SALL4: variants seen among roughly 807,000 people sequenced by gnomAD.
The protein encoded by SALL4 is sal-like protein 4.
A neutral mutation model predicts 60.8 loss-of-function variants in SALL4; 4 were observed. That is an observed-to-expected ratio of 0.07 (90% CI 0.03 to 0.15). SALL4 has a LOEUF of 0.15. SALL4 is among the 10% of genes least tolerant of loss of function. The probability of loss-of-function intolerance (pLI) is 1.00; values close to 1 mark genes in which losing one functional copy is unlikely to be tolerated. For missense variants in SALL4, 1,178 were observed against 1,394.7 expected (o/e 0.84, Z 2.48); for synonymous variants, 580 against 574.9 (o/e 1.01, Z -0.13).
At position 51,788,806 on chromosome 20, in the gene SALL4, T is replaced by G; in HGVS notation, c.2742+55A>C. On this transcript the variant is annotated intron_variant, in intron 3 of 3. Transcript: ENST00000217086. The surrounding 1 kb of genome is among the most constrained non-coding windows in gnomAD (Gnocchi z 4.1). ...AAGAACTCATCACGGCTTGTGCCAA[T>G]AAGAAGACACCTGGTGCCTAGCCCC... is the stretch of plus-strand genomic sequence containing the variant. 1 of 1,606,470 alleles carries G rather than the reference T, an allele frequency of 6.2e-7. No homozygotes were observed. Among genetic ancestry groups the G allele is most frequent in the Non-Finnish European group, 8.5e-7 (1 of 1,178,374 alleles).
rs2077968986 is a variant in SALL4 at position 51,783,690 on chromosome 20, G to T, written c.*575C>A. 6.3e-6 allele frequency: 1 copy of T among 157,844 alleles called. No individual in the cohort carries two copies. 9.8% of individuals were successfully genotyped at this position (157,844 alleles called of 1,614,324 possible). ...GTATACGTCTGTTACAAGTAACAAA[G>T]CTACTTTGCAAGACCCGCTTCTTTC... On this transcript the variant is annotated 3_prime_UTR_variant, in exon 4 of 4. Transcript: ENST00000217086.
intron 1 of SALL4, among the ~76,000 whole-genome samples, chr20:51,800,052 T>G (rs1326488111): frequency 1.3e-5 from 2 of 152,114 alleles, no homozygotes; most frequent in African/African-American, 4.8e-5. Flanking sequence ...ACGCACTGCT[T>G]GGGAAAACAA....
chr20:51,793,492 G>T (rs546493752), intron 1 of SALL4, among the ~76,000 whole-genome samples: 67 of 152,214 alleles, frequency 4.4e-4, no homozygotes, highest in African/African-American at 1.6e-3. Flanking sequence ...CAAGGAAAAG[G>T]CCAGGAAGGG....
At chr20:51,792,440 G>A (rs2078053529) in intron 1 of SALL4, 88 bp from the exon 2 acceptor site, 5 of 1,522,008 alleles carry the variant, frequency 3.3e-6, no homozygotes, top group African/African-American at 1.4e-5. Flanking sequence ...TATAATCCTA[G>A]CACTTTGGGA....
chr20:51,796,441 C>T (rs547768433), intron 1 of SALL4, among the ~76,000 whole-genome samples: 22 of 152,256 alleles, frequency 1.4e-4, no homozygotes, highest in Admixed American at 4.6e-4. Context: ...TTTCTTAAAA[C>T]GTGAGATAGT....
Position 51,802,400 on chromosome 20 carries a change from C to T in SALL4, c.9G>A (p.Arg3=), listed in dbSNP as rs144854765. MS[R]RKQAKPQHIN... Reference sequence around the variant, plus strand: ...TGTGCTGGGGTTTCGCCTGCTTGCGCCTCGACATGGTGCGAGCATCGGGGC... The same window carrying T: ...TGTGCTGGGGTTTCGCCTGCTTGCGTCTCGACATGGTGCGAGCATCGGGGC... Residue 3 remains arginine (R), a synonymous_variant, in exon 1 of 4, where the codon AGG becomes AGA. Coordinates refer to ENST00000217086, the MANE Select transcript of SALL4 (RefSeq NM_020436.5). 5 of 1,612,214 alleles carry T rather than the reference C, an allele frequency of 3.1e-6. No homozygotes were observed. In the African/African-American group the frequency reaches 5.3e-5, roughly 17 times the overall value.
chr20:51,792,141 G>A lies in SALL4; in HGVS notation c.342C>T (p.Asp114=), dbSNP rs2078049941. 1 of 1,614,238 alleles carries A rather than the reference G, an allele frequency of 6.2e-7. No homozygotes were observed. The highest frequency in any genetic ancestry group is 8.5e-7 in the Non-Finnish European group (1 of 1,180,050). The change falls in exon 2 of 4, where the codon GAC becomes GAT. Residue 114 remains aspartate, a synonymous_variant. Coordinates refer to ENST00000217086, the MANE Select transcript of SALL4 (RefSeq NM_020436.5). ...GGTGGCTCAGTACAGCTCCGGAGAA[G>A]TCTTCTGAAGGCACAGGCCCCTCGC... is the stretch of plus-strand genomic sequence containing the variant. ...NDSEGPVPSE[D]FSGAVLSHQP...
rs377004932 is a variant in SALL4 at position 51,792,355 on chromosome 20, G to A, written c.131-3C>T. 65 of 1,601,818 alleles carry A rather than the reference G, an allele frequency of 4.1e-5. No individual in the cohort carries two copies. The highest frequency in any genetic ancestry group is 5.3e-5 in the Non-Finnish European group (63 of 1,179,968). On this transcript the variant is annotated splice_region_variant and splice_polypyrimidine_tract_variant and intron_variant, in intron 1 of 3. Transcript: ENST00000217086. ...CCCTGGGTGGTTCACTGGAGCACCT[G>A]TAACAAGACAGAAAAAGCTAAGGAC...
At chr20:51,785,193 C>T (rs1257104267) in intron 3 of SALL4, among the ~76,000 whole-genome samples, 1 of 151,992 alleles carries the variant, frequency 6.6e-6, no homozygotes. Context: ...CCCAGCTGCT[C>T]GCGAGGCTGA....
chr20:51,798,993 T>G (rs2078095196), intron 1 of SALL4, among the ~76,000 whole-genome samples: 1 of 151,920 alleles, frequency 6.6e-6, no homozygotes, highest in Non-Finnish European at 1.5e-5. Context: ...TTAAAATGAG[T>G]AAAAACATGA....
intron 1 of SALL4, among the ~76,000 whole-genome samples, chr20:51,799,913 T>C (rs1420188732): frequency 6.6e-6 from 1 of 152,188 alleles, no homozygotes; most frequent in African/African-American, 2.4e-5. Flanking sequence ...ACCAGCTCAA[T>C]CTGCATTCTA....
chr20:51,792,130 G>A lies in SALL4; in HGVS notation c.353C>T (p.Ala118Val), dbSNP rs1241835112. Residue 118 changes from alanine to valine, a missense_variant, in exon 2 of 4, where the codon GCT becomes GTT. Ala to Val is a moderately conservative substitution (Grantham distance 64). Transcript: ENST00000217086. ...GPVPSEDFSG[A>V]VLSHQPTSPG... ...ACTGGTGGGCTGGTGGCTCAGTACAGCTCCGGAGAAGTCTTCTGAAGGCAC... is the reference window on the plus strand; with the variant it reads ...ACTGGTGGGCTGGTGGCTCAGTACAACTCCGGAGAAGTCTTCTGAAGGCAC... 9 of 1,614,066 alleles carry A rather than the reference G, an allele frequency of 5.6e-6. No homozygotes were observed. In the African/African-American group the frequency reaches 1.2e-4, roughly 22 times the overall value.
At position 51,788,608 on chromosome 20, in the gene SALL4, A is replaced by G. The variant is rs915281059; in HGVS notation, c.2742+253T>C. The stretch of plus-strand genomic sequence containing the variant: ...CAGGAGGCTGAGGCAGGAGAATGGC[A>G]TGAACCCGGGAGGAGGAGCTTGCAG... On this transcript the variant is annotated intron_variant, in intron 3 of 3. Coordinates refer to ENST00000217086, the MANE Select transcript of SALL4 (RefSeq NM_020436.5). The surrounding 1 kb of genome is among the most constrained non-coding windows in gnomAD (Gnocchi z 4.1). 5.3e-5 allele frequency among the ~76,000 whole-genome samples: 8 copies of G among 152,070 alleles called. No homozygotes were observed. The highest frequency in any genetic ancestry group is 1.7e-4 in the African/African-American group (7 of 41,408).
Position 51,784,163 on chromosome 20 carries a change from T to A in SALL4, c.*102A>T, listed in dbSNP as rs1228136210. 38 of 1,353,502 alleles carry A rather than the reference T, an allele frequency of 2.8e-5. 1 individual carries two copies. The highest frequency in any genetic ancestry group is 5.0e-4 in the Middle Eastern group (2 of 3,968). The allele number at this position is 1,353,502 out of a possible 1,614,324, so 83.8% of individuals were successfully genotyped here. On this transcript the variant is annotated 3_prime_UTR_variant, in exon 4 of 4. Coordinates refer to ENST00000217086, the MANE Select transcript of SALL4 (RefSeq NM_020436.5). ...CAACGTAGTAAACATCATTTGCATA[T>A]CAGTAAGAAAAAGAAAACAGGAGGA...
In SALL4 at chr20:51,791,036, C is replaced by T; in HGVS notation, c.1447G>A (p.Val483Ile). 6.2e-7 allele frequency: 1 copy of T among 1,614,158 alleles called. No individual in the cohort carries two copies. Among genetic ancestry groups the T allele is most frequent in the Non-Finnish European group, 8.5e-7 (1 of 1,180,020 alleles). ...DSKPVLVTTS[V>I]GLPQNLSSGT... ...GAAGAAAGATTCTGAGGTAGCCCTACAGAGGTGGTTACAAGGACAGGTTTG... is the reference window on the plus strand; with the variant it reads ...GAAGAAAGATTCTGAGGTAGCCCTATAGAGGTGGTTACAAGGACAGGTTTG... Residue 483 changes from valine (V) to isoleucine (I), a missense_variant, in exon 2 of 4, where the codon GTA becomes ATA. Physicochemically the swap from Val to Ile is conservative, Grantham distance 29. Transcript: ENST00000217086. This position sits in a 1 kb window ranked among gnomAD's most constrained non-coding sequence, Gnocchi z 4.6.
Position 51,788,506 on chromosome 20 carries a change from C to T in SALL4, c.2742+355G>A, listed in dbSNP as rs574536029. Among the ~76,000 whole-genome samples, 410 of 152,082 alleles carry T rather than the reference C, an allele frequency of 2.7e-3. 3 individuals are homozygous for T. Among genetic ancestry groups the T allele is most frequent in the Non-Finnish European group, 4.5e-3 (308 of 67,994 alleles). Reference sequence around the variant, plus strand: ...GAGATCGAGACCATCCTGGCTAACGCGGTGAAACCCCACCTCTACTAAAAA... The same window carrying T: ...GAGATCGAGACCATCCTGGCTAACGTGGTGAAACCCCACCTCTACTAAAAA... On this transcript the variant is annotated intron_variant, in intron 3 of 3. Coordinates refer to ENST00000217086, the MANE Select transcript of SALL4 (RefSeq NM_020436.5). The surrounding 1 kb of genome is among the most constrained non-coding windows in gnomAD (Gnocchi z 4.1).
chr20:51,802,489 C>G lies in SALL4; in HGVS notation c.-81G>C, dbSNP rs1426953109. 2.4e-5 allele frequency: 39 copies of G among 1,599,656 alleles called. No homozygotes were observed. The highest frequency in any genetic ancestry group is 5.2e-5 in the Admixed American group (3 of 57,464). ...ATTCCTGGAGTTGGGAAATTTACCC[C>G]CCTTCGGCCGGAACGCGCATGTCCC... On this transcript the variant is annotated 5_prime_UTR_variant, in exon 1 of 4. Coordinates refer to ENST00000217086, the MANE Select transcript of SALL4 (RefSeq NM_020436.5).
At position 51,784,251 on chromosome 20, in the gene SALL4, ACG is replaced by A. The variant is rs1468192058; in HGVS notation, c.*12_*13del. ...TCACTGTGTCTGCATTGCTCCTTCC[ACG>A]CAAGTTCTCCCTTAGCTGACCGCAA... On this transcript the variant is annotated 3_prime_UTR_variant, in exon 4 of 4. Transcript: ENST00000217086. 6.8e-6 allele frequency: 11 copies of A among 1,613,014 alleles called. No individual in the cohort carries two copies. In the Admixed American group the frequency reaches 1.5e-4, roughly 22 times the overall value.
Position 51,782,703 on chromosome 20 carries a change from T to G in SALL4, c.*1562A>C, listed in dbSNP as rs1245760290. ...GACTTTTCTCCCAGAAATTAGAGTTTTTTTCTTTCTTTCTTGTTAAACCAA... is the reference window on the plus strand; with the variant it reads ...GACTTTTCTCCCAGAAATTAGAGTTGTTTTCTTTCTTTCTTGTTAAACCAA... On this transcript the variant is annotated 3_prime_UTR_variant, in exon 4 of 4. Coordinates refer to ENST00000217086, the MANE Select transcript of SALL4 (RefSeq NM_020436.5). 3 of 152,132 alleles carry G rather than the reference T, an allele frequency of 2.0e-5. No individual in the cohort carries two copies. The East Asian group carries it at 5.8e-4, about 29-fold the overall frequency. 9.4% of individuals were successfully genotyped at this position (152,132 alleles called of 1,614,324 possible). A position where few individuals can be genotyped will look rare whatever the true frequency, so the allele number is the denominator to read the frequency against.
Sources: gnomAD v4.1 joint callset for allele counts (sites outside exome capture counted in the v4.1 genomes callset) on GRCh38, gnomAD v4.1.1 for gene constraint, Gnocchi (gnomAD v3.1) non-coding constraint, MANE v1.5 for transcripts, NCBI Gene and HGNC (gene_info 2026-07-23, HGNC 2026-07-21) for gene names.